SH3BP4: variants seen among roughly 807,000 people sequenced by gnomAD.
The protein encoded by SH3BP4 is SH3 domain-binding protein 4.
SH3BP4 carries 33 observed loss-of-function variants against 65.5 expected under a neutral mutation model. The observed-to-expected ratio is 0.50, with a 90% CI of 0.38 to 0.67. The LOEUF (loss-of-function observed/expected upper bound fraction) is 0.67, where lower values mean the gene tolerates loss of function less well. Among genes scored for constraint, SH3BP4 ranks in the 30% least tolerant of loss-of-function variants. The probability of loss-of-function intolerance (pLI) is 0.00; values close to 1 mark genes in which losing one functional copy is unlikely to be tolerated. For synonymous variants in SH3BP4, 552 were observed against 545.5 expected (o/e 1.01, Z -0.17); for missense variants, 1,134 against 1,261.4 (o/e 0.90, Z 1.53).
intron 1 of SH3BP4, among the ~76,000 whole-genome samples, chr2:234,990,915 C>T (rs975074295): frequency 6.6e-6 from 1 of 152,098 alleles, no homozygotes; most frequent in Non-Finnish European, 1.5e-5. Flanking sequence ...GAAGCCTCAC[C>T]CCCCATCTTA....
intron 1 of SH3BP4, among the ~76,000 whole-genome samples, chr2:234,973,939 C>G (rs935759015): frequency 3.3e-5 from 5 of 152,128 alleles, no homozygotes; most frequent in Non-Finnish European, 7.3e-5. Flanking sequence ...CTGGCCAAGC[C>G]TGGATTTTTG....
At chr2:235,036,154 C>A (rs1433234056) in intron 3 of SH3BP4, among the ~76,000 whole-genome samples, 3 of 152,196 alleles carry the variant, frequency 2.0e-5, no homozygotes, top group African/African-American at 7.2e-5. Context: ...GCTTCTCCTT[C>A]CCCTTTATCC....
intron 1 of SH3BP4, among the ~76,000 whole-genome samples, chr2:234,953,448 A>G (rs1461158542): frequency 6.6e-6 from 1 of 152,184 alleles, no homozygotes; most frequent in Non-Finnish European, 1.5e-5. Flanking sequence ...CTACCCGGGC[A>G]GAATCTCTGC....
At position 235,041,275 on chromosome 2, in the gene SH3BP4, C is replaced by T. The variant is rs756657329; in HGVS notation, c.506C>T (p.Pro169Leu). The T allele has an allele frequency of 1.4e-5, 23 of 1,614,170 alleles. No homozygotes were observed. The East Asian group carries it at 4.9e-4, about 34-fold the overall frequency. ...TTCTGGAATGGGGTCCAGACCAATC[C>T]ATTTCTGAATGGGAACGTGCCCGTC... The part of the protein sequence containing the change: ...NPFWNGVQTN[P>L]FLNGNVPVMP... Residue 169 changes from proline (P) to leucine (L), a missense_variant, in exon 4 of 6, where the codon CCA becomes CTA. Transcript: ENST00000392011. The surrounding 1 kb of genome is among the most constrained non-coding windows in gnomAD (Gnocchi z 6.0).
intron 2 of SH3BP4, among the ~76,000 whole-genome samples, chr2:235,013,160 G>A (rs1390359428): frequency 6.6e-6 from 1 of 152,192 alleles, no homozygotes; most frequent in Non-Finnish European, 1.5e-5. Flanking sequence ...AAAACCCTAA[G>A]TGCTGACTCG....
intron 1 of SH3BP4, among the ~76,000 whole-genome samples, chr2:234,990,414 C>A (rs1338741913): frequency 6.6e-6 from 1 of 152,216 alleles, no homozygotes; most frequent in African/African-American, 2.4e-5. Flanking sequence ...TCAACACCAG[C>A]CTAACATTGC....
intron 1 of SH3BP4, among the ~76,000 whole-genome samples, chr2:234,982,715 G>T (rs1693424629): frequency 6.6e-6 from 1 of 152,142 alleles, no homozygotes; most frequent in African/African-American, 2.4e-5. Context: ...TGGGCAAATG[G>T]GAGGAGGTGG....
chr2:234,988,421 T>G (rs1693648477), intron 1 of SH3BP4, among the ~76,000 whole-genome samples: 1 of 152,196 alleles, frequency 6.6e-6, no homozygotes, highest in African/African-American at 2.4e-5. Flanking sequence ...TCACTTGAAT[T>G]GCCAAGGGAG....
In SH3BP4 at chr2:235,033,965, G is replaced by T. The variant is rs1216156207; in HGVS notation, c.-132-906G>T. ...TAGGGGTGAGATTTGCCTGCTCAGA[G>T]CTCTAAGTACTGTGGCCAGCTGTGA... On this transcript the variant is annotated intron_variant, in intron 2 of 5. Coordinates refer to ENST00000392011, the MANE Select transcript of SH3BP4 (RefSeq NM_014521.3). The surrounding 1 kb of genome is among the most constrained non-coding windows in gnomAD (Gnocchi z 5.7). Among the ~76,000 whole-genome samples the T allele has an allele frequency of 6.6e-6, 1 of 152,194 alleles. No homozygotes were observed. The highest frequency in any genetic ancestry group is 2.4e-5 in the African/African-American group (1 of 41,444).
chr2:235,040,808 C>T (rs146383207), intron 3 of SH3BP4, 80 bp from the exon 4 acceptor site: 656 of 1,232,910 alleles, frequency 5.3e-4, no homozygotes, highest in African/African-American at 4.0e-3. Context: ...TGTTTACCAC[C>T]GTCCTCTCTC....
chr2:235,029,758 C>T (rs1248529357), intron 2 of SH3BP4, among the ~76,000 whole-genome samples: 4 of 152,160 alleles, frequency 2.6e-5, no homozygotes, highest in African/African-American at 9.7e-5. Context: ...AAGCAAGGAC[C>T]AGTTCACGGG....
chr2:235,028,606 G>A (rs10202818), intron 2 of SH3BP4, among the ~76,000 whole-genome samples: 22,526 of 152,204 alleles, frequency 0.15, 4,275 homozygotes, highest in African/African-American at 0.44. Flanking sequence ...CATGACAGGA[G>A]CAGAAAAAGA....
chr2:235,001,220 T>C (rs1267688747), intron 2 of SH3BP4, among the ~76,000 whole-genome samples: 1 of 152,218 alleles, frequency 6.6e-6, no homozygotes, highest in Non-Finnish European at 1.5e-5. Flanking sequence ...CCCGGGCCCT[T>C]GGCGTGGCCC....
At position 235,046,792 on chromosome 2, in the gene SH3BP4, A is replaced by G. The variant is rs1695874935; in HGVS notation, c.2478+3545A>G. Among the ~76,000 whole-genome samples, 2 of 152,172 alleles carry G rather than the reference A, an allele frequency of 1.3e-5. No homozygotes were observed. The highest frequency in any genetic ancestry group is 2.4e-5 in the African/African-American group (1 of 41,428). ...ATGAATGCAGGCCTTGGGCTGGGCT[A>G]AGAATCCAAGCGGGAGGCATTCTCA... On this transcript the variant is annotated intron_variant, in intron 4 of 5. Coordinates refer to ENST00000392011, the MANE Select transcript of SH3BP4 (RefSeq NM_014521.3). This position sits in a 1 kb window ranked among gnomAD's most constrained non-coding sequence, Gnocchi z 4.2.
intron 2 of SH3BP4, among the ~76,000 whole-genome samples, chr2:235,014,436 G>A (rs1694624105): frequency 6.6e-6 from 1 of 152,218 alleles, no homozygotes; most frequent in African/African-American, 2.4e-5. Flanking sequence ...TCTGAGAATA[G>A]GGGTGTGTCC....
intron 4 of SH3BP4, among the ~76,000 whole-genome samples, chr2:235,050,404 AC>A (rs1297146869): frequency 2.0e-5 from 3 of 151,938 alleles, no homozygotes; most frequent in Non-Finnish European, 2.9e-5. Flanking sequence ...GGCGTGAGCC[AC>A]CGCTCCTGGC....
Position 234,974,448 on chromosome 2 carries a change from G to C in SH3BP4, c.-206-20855G>C, listed in dbSNP as rs73124234. On this transcript the variant is annotated intron_variant, in intron 1 of 5. Transcript: ENST00000392011. This position sits in a 1 kb window ranked among gnomAD's most constrained non-coding sequence, Gnocchi z 4.6. The stretch of plus-strand genomic sequence containing the variant: ...ATTTCACTGCTCCATAAAATGCTAC[G>C]TTGGTGAAATGGGCAGGATGAGTTG... 6.6e-6 allele frequency among the ~76,000 whole-genome samples: 1 copy of C among 152,324 alleles called. No individual in the cohort carries two copies. The highest frequency in any genetic ancestry group is 2.4e-5 in the African/African-American group (1 of 41,578).
At chr2:234,970,614 G>A (rs554529079) in intron 1 of SH3BP4, among the ~76,000 whole-genome samples, 29 of 152,308 alleles carry the variant, frequency 1.9e-4, no homozygotes, top group African/African-American at 6.5e-4. Flanking sequence ...CACATAGAAA[G>A]TGAACAGTGA....
chr2:234,975,362 G>A (rs890665), intron 1 of SH3BP4, among the ~76,000 whole-genome samples: 62,212 of 151,944 alleles, frequency 0.41, 14,617 homozygotes, highest in East Asian at 0.84. Context: ...CTGAGGTCAC[G>A]GCGGCCAGAC....
Sources: gnomAD v4.1 joint callset for allele counts (sites outside exome capture counted in the v4.1 genomes callset) on GRCh38, gnomAD v4.1.1 for gene constraint, Gnocchi (gnomAD v3.1) non-coding constraint, MANE v1.5 for transcripts, NCBI Gene and HGNC (gene_info 2026-07-23, HGNC 2026-07-21) for gene names.